PEX7: variants seen among roughly 807,000 people sequenced by gnomAD.
PEX7 encodes the protein peroxisomal biogenesis factor 7.
In PEX7, 34 loss-of-function variants were observed where a neutral mutation model predicts 47.5. That is an observed-to-expected ratio of 0.72 (90% CI 0.54 to 0.95). PEX7 has a LOEUF of 0.95. PEX7 is among the 40% of genes least tolerant of loss of function. The pLI is 0.00. For synonymous variants in PEX7, 141 were observed against 148.8 expected, an observed-to-expected ratio of 0.95 and a Z score of 0.38; for missense variants, 394 against 400.3, an observed-to-expected ratio of 0.98 and a Z score of 0.13.
At chr6:136,854,005 A>T (rs548084094) in intron 5 of PEX7, among the ~76,000 whole-genome samples, 17 of 151,768 alleles carry the variant, frequency 1.1e-4, no homozygotes, top group African/African-American at 4.1e-4. Flanking sequence ...CCAGTAATAT[A>T]TTTTTTCTTC....
At chr6:136,882,841 C>G (rs1269837746) in intron 8 of PEX7, among the ~76,000 whole-genome samples, 1 of 152,172 alleles carries the variant, frequency 6.6e-6, no homozygotes, top group African/African-American at 2.4e-5. Context: ...TCCTCTCTTA[C>G]ATCTCTCTTT....
At chr6:136,893,364 C>G (rs866938378) in intron 8 of PEX7, among the ~76,000 whole-genome samples, 2 of 152,316 alleles carry the variant, frequency 1.3e-5, no homozygotes, top group South Asian at 4.1e-4. Context: ...ATAAGCTGCT[C>G]TTCTGCTGTC....
chr6:136,864,884 CA>C (rs1448263889), intron 5 of PEX7, among the ~76,000 whole-genome samples: 1 of 152,102 alleles, frequency 6.6e-6, no homozygotes, highest in South Asian at 2.1e-4. Flanking sequence ...ATCCTATAAC[CA>C]CAAAATGGCA....
chr6:136,849,292 C>A (rs1304683602), intron 5 of PEX7, among the ~76,000 whole-genome samples: 3 of 151,924 alleles, frequency 2.0e-5, no homozygotes, highest in Non-Finnish European at 4.4e-5. Context: ...TTGATCTTTT[C>A]AAAAAACCAG....
chr6:136,897,994 G>C (rs960945448), intron 8 of PEX7, 148 bp from the exon 9 acceptor site: 1 of 578,904 alleles, frequency 1.7e-6, no homozygotes, highest in African/African-American at 1.9e-5. Context: ...GATTTTTTAC[G>C]TAGGGCTTAA....
At chr6:136,836,894 A>C (rs1436667507) in intron 3 of PEX7, among the ~76,000 whole-genome samples, 2 of 152,134 alleles carry the variant, frequency 1.3e-5, no homozygotes, top group Non-Finnish European at 2.9e-5. Context: ...CAGAGTTTGC[A>C]GTGAGTGAAA....
In PEX7 at chr6:136,846,159, T is replaced by C. The variant is rs770113657; in HGVS notation, c.504T>C (p.Pro168=). 33 of 1,611,650 alleles carry C rather than the reference T, an allele frequency of 2.0e-5. No individual in the cohort carries two copies. Among genetic ancestry groups the C allele is most frequent in the Non-Finnish European group, 2.8e-5 (33 of 1,177,972 alleles). The change falls in exon 5 of 10, where the codon CCT becomes CCC. Residue 168 remains proline, a synonymous_variant. Transcript: ENST00000318471. The part of the protein sequence containing the change: ...IYSTIWSPHI[P]GCFASASGDQ... ...GCACAATCTGGTCTCCCCACATCCC[T>C]GGTTGTTTTGCTTCAGCCTCAGGTA...
At chr6:136,826,186 A>T in intron 2 of PEX7, 133 bp from the exon 3 acceptor site, 2 of 945,174 alleles carry the variant, frequency 2.1e-6, no homozygotes, top group Non-Finnish European at 1.7e-6. Context: ...GTAGTTGTGC[A>T]GATTACATGA....
chr6:136,894,219 G>A (rs556528797), intron 8 of PEX7, among the ~76,000 whole-genome samples: 1 of 152,218 alleles, frequency 6.6e-6, no homozygotes, highest in South Asian at 2.1e-4. Flanking sequence ...AGCACTTTGG[G>A]AGGCCAAGGT....
At chr6:136,831,000 A>T (rs937378313) in intron 3 of PEX7, among the ~76,000 whole-genome samples, 63 of 152,348 alleles carry the variant, frequency 4.1e-4, no homozygotes, top group African/African-American at 1.5e-3. Flanking sequence ...AAGAGTTAAA[A>T]TCTTGTTTAC....
At chr6:136,911,435 TC>T (rs1234432770) in intron 9 of PEX7, among the ~76,000 whole-genome samples, 2 of 152,146 alleles carry the variant, frequency 1.3e-5, no homozygotes, top group Non-Finnish European at 2.9e-5. Context: ...AGACAGAGTC[TC>T]ACTCTGTTGC....
At position 136,867,569 on chromosome 6, in the gene PEX7, A is replaced by G. The variant is rs753192048; in HGVS notation, c.633+836A>G. Reference sequence around the variant, plus strand: ...ATATAAAGAAAGAAAATATTTTTGTATAGCTCTACAATGTGTTTATATTTT... The same window carrying G: ...ATATAAAGAAAGAAAATATTTTTGTGTAGCTCTACAATGTGTTTATATTTT... On this transcript the variant is annotated intron_variant, in intron 6 of 9. Coordinates refer to ENST00000318471, the MANE Select transcript of PEX7 (RefSeq NM_000288.4). Among the ~76,000 whole-genome samples the G allele has an allele frequency of 3.0e-4, 45 of 152,278 alleles. 1 individual carries two copies. The highest frequency in any genetic ancestry group is 5.9e-4 in the Non-Finnish European group (40 of 68,016).
intron 8 of PEX7, among the ~76,000 whole-genome samples, chr6:136,896,346 C>T (rs1221891412): frequency 1.3e-5 from 2 of 152,100 alleles, no homozygotes; most frequent in Admixed American, 6.5e-5. Flanking sequence ...ATTGACTTTC[C>T]CTTAGACCCA....
chr6:136,906,071 A>G (rs1202198671), intron 9 of PEX7, among the ~76,000 whole-genome samples: 1 of 152,134 alleles, frequency 6.6e-6, no homozygotes, highest in East Asian at 1.9e-4. Context: ...AGCTCTTTCC[A>G]TCATCCCATT....
At chr6:136,865,939 TG>T (rs2115214874) in intron 5 of PEX7, among the ~76,000 whole-genome samples, 2 of 151,860 alleles carry the variant, frequency 1.3e-5, no homozygotes, top group Admixed American at 6.6e-5. Flanking sequence ...AAAAATTAGC[TG>T]GGCGTGGTGG....
At chr6:136,886,034 T>A (rs1775462579) in intron 8 of PEX7, among the ~76,000 whole-genome samples, 2 of 152,212 alleles carry the variant, frequency 1.3e-5, no homozygotes, top group African/African-American at 4.8e-5. Context: ...TTTGTCATTA[T>A]TAAGGCTAGA....
intron 5 of PEX7, among the ~76,000 whole-genome samples, chr6:136,854,287 C>G (rs1199323934): frequency 6.6e-6 from 1 of 152,104 alleles, no homozygotes; most frequent in Non-Finnish European, 1.5e-5. Flanking sequence ...ACCTCCGCCT[C>G]CCGGGTTCAA....
At chr6:136,850,086 T>G (rs1483999900) in intron 5 of PEX7, among the ~76,000 whole-genome samples, 3 of 152,186 alleles carry the variant, frequency 2.0e-5, no homozygotes, top group Admixed American at 2.0e-4. Context: ...CTTGTTGCAT[T>G]GATCCCTTTA....
intron 8 of PEX7, among the ~76,000 whole-genome samples, chr6:136,889,961 C>T (rs1482983423): frequency 1.3e-5 from 2 of 152,298 alleles, no homozygotes; most frequent in Non-Finnish European, 1.5e-5. Context: ...TCCCTCTCTC[C>T]GTTATTTGCA....
Sources: allele counts gnomAD v4.1 joint callset (sites outside exome capture counted in the v4.1 genomes callset), GRCh38; gene constraint gnomAD v4.1.1; transcripts MANE v1.5; gene names NCBI Gene and HGNC (gene_info 2026-07-23, HGNC 2026-07-21).